The following TNS1 variants were observed in gnomAD, a reference collection of about 807,000 sequenced individuals.
TNS1 encodes the protein tensin 1.
Under a neutral mutation model 168.6 loss-of-function variants are expected in TNS1, and 62 were observed. That is an observed-to-expected ratio of 0.37 (90% CI 0.30 to 0.45). The LOEUF (loss-of-function observed/expected upper bound fraction) is 0.45, where lower values mean the gene tolerates loss of function less well. Among genes scored for constraint, TNS1 ranks in the 20% least tolerant of loss-of-function variants. TNS1 has a pLI of 1.00. For synonymous variants in TNS1, 934 were observed against 933.2 expected, an observed-to-expected ratio of 1.00 and a Z score of -0.02; for missense variants, 2,240 against 2,339.4, an observed-to-expected ratio of 0.96 and a Z score of 0.88.
chr2:218,015,257 C>T (rs1309691507), upstream of TNS1, among the ~76,000 whole-genome samples: 1 of 151,986 alleles, frequency 6.6e-6, no homozygotes, highest in Non-Finnish European at 1.5e-5. Context: ...TAGAAAGTGG[C>T]GGTGCCAGAA....
intron 12 of TNS1, 188 bp downstream of exon 12, chr2:217,890,774 C>T (rs1452546310): frequency 1.6e-6 from 1 of 627,534 alleles, no homozygotes; most frequent in Non-Finnish European, 2.8e-6. Context: ...GGGCACACAC[C>T]ACAGGCTGGC....
At chr2:217,935,490 A>G (rs1956557687) in intron 3 of TNS1, among the ~76,000 whole-genome samples, 1 of 152,166 alleles carries the variant, frequency 6.6e-6, no homozygotes, top group Non-Finnish European at 1.5e-5. Context: ...CCAGCCTGGA[A>G]TCCAGACCTG....
intron 4 of TNS1, 33 bp downstream of exon 4, chr2:217,920,162 G>C (rs1342966022): frequency 7.1e-6 from 5 of 702,910 alleles, no homozygotes; most frequent in Non-Finnish European, 1.3e-5. Context: ...AGAGGAGGCA[G>C]GGCTTGCAGG....
chr2:217,830,432 G>GC (rs1211805336), intron 22 of TNS1: 1 of 1,609,120 alleles, frequency 6.2e-7, no homozygotes, highest in Admixed American at 1.7e-5. Flanking sequence ...CCCCCACCCA[G>GC]CCCTAAAACC....
intron 3 of TNS1, among the ~76,000 whole-genome samples, chr2:217,970,707 G>C (rs1027351770): frequency 6.6e-6 from 1 of 152,136 alleles, no homozygotes; most frequent in Non-Finnish European, 1.5e-5. Flanking sequence ...TGATTGCTGG[G>C]GTGAGGTCGG....
intron 3 of TNS1, among the ~76,000 whole-genome samples, chr2:217,955,923 G>C (rs542443444): frequency 6.6e-6 from 1 of 152,146 alleles, no homozygotes; most frequent in African/African-American, 2.4e-5. Flanking sequence ...ACACAAACAG[G>C]TAACGCTCCC....
At chr2:217,815,073 C>T in intron 24 of TNS1, 75 bp from the exon 25 acceptor site, 1 of 1,229,092 alleles carries the variant, frequency 8.1e-7, no homozygotes, top group Non-Finnish European at 1.2e-6. Context: ...AGTCCTGGCC[C>T]CCAGTGCTTG....
At chr2:217,895,224 C>A (rs1436676309) in intron 8 of TNS1, among the ~76,000 whole-genome samples, 168 bp from the exon 9 acceptor site, 1 of 152,214 alleles carries the variant, frequency 6.6e-6, no homozygotes, top group Non-Finnish European at 1.5e-5. Context: ...CTCTCACGGC[C>A]AGGGGCCTGG....
chr2:217,937,031 C>T (rs1213825450), intron 3 of TNS1: 3 of 456,600 alleles, frequency 6.6e-6, no homozygotes, highest in Admixed American at 2.4e-5. Context: ...AAGTCTTTGC[C>T]CCTTTTCCTC....
chr2:217,854,856 G>C (rs1034459508), intron 18 of TNS1, among the ~76,000 whole-genome samples: 3 of 152,130 alleles, frequency 2.0e-5, no homozygotes, highest in Non-Finnish European at 1.5e-5. Context: ...AGGGAAGTGC[G>C]CCTTCCCACC....
Position 217,818,211 on chromosome 2 carries a change from G to A in TNS1, c.4121C>T (p.Pro1374Leu), listed in dbSNP as rs985297701. The A allele has an allele frequency of 2.5e-6, 4 of 1,613,750 alleles. No individual in the cohort carries two copies. In the African/African-American group the frequency reaches 5.3e-5, roughly 22 times the overall value. ...HNKVATTPGS[P>L]SLGRHPGAHQ... is the part of the protein sequence containing the mutation. ...AGCCCCAGGGTGCCGGCCCAGGCTGGGACTCCCCGGGGTGGTGGCCACTTT... is the reference window on the plus strand; with the variant it reads ...AGCCCCAGGGTGCCGGCCCAGGCTGAGACTCCCCGGGGTGGTGGCCACTTT... The change falls in exon 24 of 33, where the codon CCC becomes CTC. Residue 1374 changes from proline to leucine, a missense_variant. Physicochemically the swap from Pro to Leu is moderately conservative, Grantham distance 98. Around this residue, in one of 2 missense-constraint regions of TNS1, gnomAD observed 2,131 missense variants for 2,171.2 expected, o/e 0.98. Coordinates refer to ENST00000682258, the MANE Select transcript of TNS1 (RefSeq NM_001387777.1).
chr2:217,948,975 G>C lies in TNS1; in HGVS notation c.187-28739C>G, dbSNP rs2125971006. On this transcript the variant is annotated intron_variant, in intron 3 of 32. Coordinates refer to ENST00000682258, the MANE Select transcript of TNS1 (RefSeq NM_001387777.1). This position sits in a 1 kb window ranked among gnomAD's most constrained non-coding sequence, Gnocchi z 4.1. ...ATAGTGTCAGGGCAGAGGATGGAAA[G>C]GGAAGGAGAGTCGGGGGAAAATGGC... 6.6e-6 allele frequency among the ~76,000 whole-genome samples: 1 copy of C among 152,292 alleles called. No homozygotes were observed. Among genetic ancestry groups the C allele is most frequent in the South Asian group, 2.1e-4 (1 of 4,822 alleles).
intron 19 of TNS1, among the ~76,000 whole-genome samples, chr2:217,839,004 TAC>T (rs1301160066): frequency 1.2e-4 from 17 of 139,352 alleles, no homozygotes; most frequent in Admixed American, 4.5e-4. Flanking sequence ...CTCTGTCTCC[TAC>T]ACCCACCTAG....
At chr2:217,923,895 T>C (rs2125873794) in intron 3 of TNS1, among the ~76,000 whole-genome samples, 1 of 152,272 alleles carries the variant, frequency 6.6e-6, no homozygotes, top group African/African-American at 2.4e-5. Flanking sequence ...CTGGCACTCG[T>C]CAGCCCCCAC....
intron 3 of TNS1, among the ~76,000 whole-genome samples, chr2:217,926,258 C>G (rs935159640): frequency 6.6e-6 from 1 of 152,144 alleles, no homozygotes; most frequent in Non-Finnish European, 1.5e-5. Context: ...TTTAAGTCAC[C>G]CGGCGTATGG....
intron 2 of TNS1, among the ~76,000 whole-genome samples, chr2:217,981,535 A>C (rs533677952): frequency 4.5e-4 from 68 of 152,344 alleles, no homozygotes; most frequent in Admixed American, 1.1e-3. Context: ...GCAGCTCTAC[A>C]GAGGGGAACG....
rs542779186 is a variant in TNS1, at chr2:217,854,216, C to G, written c.1430-5129G>C. 3.4e-4 allele frequency among the ~76,000 whole-genome samples: 52 copies of G among 152,308 alleles called. 1 individual carries two copies. The South Asian group carries it at 0.01, about 30-fold the overall frequency. ...TGGGCTCTGAGATCAAGAAACCCCA[C>G]TTCTCTTCCTCATGAAAAGTAGGGA... On this transcript the variant is annotated intron_variant, in intron 18 of 32. Transcript: ENST00000682258.
chr2:217,873,149 T>C (rs1949916503), intron 18 of TNS1, among the ~76,000 whole-genome samples: 1 of 152,178 alleles, frequency 6.6e-6, no homozygotes, highest in African/African-American at 2.4e-5. Context: ...ACCCATTGAA[T>C]TGTATACTTT....
chr2:217,872,614 G>A (rs910934485), intron 18 of TNS1, among the ~76,000 whole-genome samples: 12 of 152,234 alleles, frequency 7.9e-5, no homozygotes, highest in African/African-American at 2.9e-4. Context: ...GCCAAATGGT[G>A]TAGCCACTTT....
Sources: gnomAD v4.1 joint callset for allele counts (sites outside exome capture counted in the v4.1 genomes callset) on GRCh38, gnomAD v4.1.1 for gene constraint, gnomAD v4.1.1 regional missense constraint, Gnocchi (gnomAD v3.1) non-coding constraint, MANE v1.5 for transcripts, NCBI Gene and HGNC (gene_info 2026-07-23, HGNC 2026-07-21) for gene names.